COL4A2: variants seen among roughly 807,000 people sequenced by gnomAD.
COL4A2 encodes the protein collagen type IV alpha 2 chain, also known as collagen alpha-2(IV) chain.
Under a neutral mutation model 200.2 loss-of-function variants are expected in COL4A2, and 99 were observed. The ratio of observed to expected loss-of-function variants is 0.49; its 90% CI spans 0.42 to 0.58. COL4A2 has a LOEUF of 0.58. Among genes scored for constraint, COL4A2 ranks in the 20% least tolerant of loss-of-function variants. The pLI, the probability that COL4A2 is intolerant of heterozygous loss-of-function variation, is 0.00. For missense variants in COL4A2, 1,950 were observed against 2,314.1 expected (o/e 0.84, Z 3.23); for synonymous variants, 897 against 900.6 (o/e 1.00, Z 0.07).
chr13:110,461,660 A>G (rs577700572), intron 22 of COL4A2, among the ~76,000 whole-genome samples: 9 of 152,226 alleles, frequency 5.9e-5, no homozygotes, highest in African/African-American at 2.2e-4. Flanking sequence ...AGCTGGGATT[A>G]CAGGCGTGCA....
intron 3 of COL4A2, among the ~76,000 whole-genome samples, chr13:110,352,963 C>A (rs1000406540): frequency 1.4e-4 from 21 of 152,200 alleles, no homozygotes; most frequent in African/African-American, 4.8e-4. Context: ...AACCTCCTGG[C>A]CCTGCGAGCT....
At chr13:110,401,179 G>A (rs76638421) in intron 4 of COL4A2, among the ~76,000 whole-genome samples, 1 of 152,176 alleles carries the variant, frequency 6.6e-6, no homozygotes, top group African/African-American at 2.4e-5. Context: ...TTAATTGGGA[G>A]GTGGGGAGGA....
At chr13:110,503,028 A>C (rs1483410757) in intron 41 of COL4A2, 93 bp from the exon 42 acceptor site, 1 of 1,173,640 alleles carries the variant, frequency 8.5e-7, no homozygotes, top group African/African-American at 1.6e-5. Flanking sequence ...CTTGCCAGAG[A>C]CTGTCGCCTG....
chr13:110,343,287 G>T (rs917642968), intron 3 of COL4A2, among the ~76,000 whole-genome samples: 1 of 152,130 alleles, frequency 6.6e-6, no homozygotes, highest in East Asian at 1.9e-4. Context: ...GCGCCTGTCC[G>T]TACCCAGTGG....
intron 3 of COL4A2, among the ~76,000 whole-genome samples, chr13:110,326,622 C>T (rs1885420983): frequency 6.6e-6 from 1 of 152,132 alleles, no homozygotes; most frequent in African/African-American, 2.4e-5. Context: ...CTTCTTGGGC[C>T]CTGCAGCCTT....
chr13:110,320,376 G>A (rs1451278751), intron 3 of COL4A2, among the ~76,000 whole-genome samples: 2 of 152,224 alleles, frequency 1.3e-5, no homozygotes, highest in Admixed American at 6.5e-5. Context: ...TCTCCAACAA[G>A]AGTGATTTGT....
chr13:110,388,103 G>A (rs1046038830), intron 4 of COL4A2, among the ~76,000 whole-genome samples: 2 of 152,246 alleles, frequency 1.3e-5, no homozygotes, highest in Non-Finnish European at 2.9e-5. Flanking sequence ...AAGTGGCCCA[G>A]AAGGCTGAGG....
At chr13:110,366,880 A>T (rs1461211528) in intron 4 of COL4A2, among the ~76,000 whole-genome samples, 1 of 152,212 alleles carries the variant, frequency 6.6e-6, no homozygotes, top group Non-Finnish European at 1.5e-5. Flanking sequence ...AGCTGCCTGC[A>T]CTTCTGAGCC....
At chr13:110,382,863 C>T (rs903870146) in intron 4 of COL4A2, among the ~76,000 whole-genome samples, 2 of 152,018 alleles carry the variant, frequency 1.3e-5, no homozygotes, top group African/African-American at 2.4e-5. Flanking sequence ...AAAAATAATC[C>T]GCAGATAATT....
intron 3 of COL4A2, among the ~76,000 whole-genome samples, chr13:110,327,603 G>T (rs1885453222): frequency 6.6e-6 from 1 of 152,214 alleles, no homozygotes; most frequent in Non-Finnish European, 1.5e-5. Flanking sequence ...AGAGATTGGG[G>T]GTGGGGTGTT....
At chr13:110,423,261 C>G (rs989322637) in intron 4 of COL4A2, among the ~76,000 whole-genome samples, 4 of 151,926 alleles carry the variant, frequency 2.6e-5, no homozygotes, top group Non-Finnish European at 4.4e-5. Context: ...TTCCCCTCCC[C>G]TCCTTTCTCA....
At chr13:110,397,883 C>T (rs763890276) in intron 4 of COL4A2, among the ~76,000 whole-genome samples, 13 of 152,138 alleles carry the variant, frequency 8.5e-5, no homozygotes, top group Non-Finnish European at 1.8e-4. Context: ...GAGTCACAAA[C>T]GTTAAACTTT....
chr13:110,357,404 A>G lies in COL4A2; in HGVS notation c.100-68A>G, dbSNP rs554888209. 2.2e-5 allele frequency: 34 copies of G among 1,542,758 alleles called. No individual in the cohort carries two copies. In the South Asian group the frequency reaches 4.0e-4, roughly 18 times the overall value. ...GTTGGAAGGATTCTCAACAGATGAT[A>G]TTTTAATACATGTTGTAGTTGGCAA... On this transcript the variant is annotated intron_variant, in intron 3 of 47. Transcript: ENST00000360467.
chr13:110,476,461 C>T (rs897521910), intron 29 of COL4A2, among the ~76,000 whole-genome samples: 1 of 152,254 alleles, frequency 6.6e-6, no homozygotes, highest in African/African-American at 2.4e-5. Flanking sequence ...AGCCCTCTTC[C>T]TCGCTGCAGG....
At chr13:110,465,351 G>A in intron 24 of COL4A2, 54 bp from the exon 25 acceptor site, 2 of 1,533,812 alleles carry the variant, frequency 1.3e-6, no homozygotes, top group Middle Eastern at 2.4e-4. Context: ...GGGAAGTCGA[G>A]GCGATCTTTA....
intron 38 of COL4A2, 35 bp downstream of exon 38, chr13:110,492,212 C>A: frequency 6.5e-7 from 1 of 1,536,844 alleles, no homozygotes; most frequent in South Asian, 1.2e-5. Context: ...CACCCAGACC[C>A]AGAGTCGTGG....
chr13:110,381,079 C>A (rs1283577005), intron 4 of COL4A2, among the ~76,000 whole-genome samples: 1 of 147,694 alleles, frequency 6.8e-6, no homozygotes, highest in Non-Finnish European at 1.5e-5. Context: ...CTCTATCTCA[C>A]ACCCATGGGT....
intron 3 of COL4A2, among the ~76,000 whole-genome samples, chr13:110,317,390 G>C (rs184247808): frequency 1.2e-4 from 18 of 152,140 alleles, no homozygotes; most frequent in African/African-American, 3.9e-4. Context: ...ATGCTCATGC[G>C]TGTACACACA....
chr13:110,445,968 A>C (rs1881305170), intron 17 of COL4A2, 86 bp downstream of exon 17: 1 of 1,438,016 alleles, frequency 7.0e-7, no homozygotes, highest in African/African-American at 1.4e-5. Context: ...TGTCCTGTGG[A>C]GGCATCCCCT....
Sources: allele counts gnomAD v4.1 joint callset (sites outside exome capture counted in the v4.1 genomes callset), GRCh38; gene constraint gnomAD v4.1.1; transcripts MANE v1.5; gene names NCBI Gene and HGNC (gene_info 2026-07-23, HGNC 2026-07-21).